The following LRRFIP2 variants were observed in gnomAD, a reference collection of about 807,000 sequenced individuals.
LRRFIP2 encodes leucine-rich repeat flightless-interacting protein 2.
Under a neutral mutation model 125.9 loss-of-function variants are expected in LRRFIP2, and 109 were observed. The observed-to-expected ratio is 0.87, with a 90% CI of 0.74 to 1.01. LRRFIP2 has a LOEUF of 1.01. Among genes scored for constraint, LRRFIP2 ranks in the 50% least tolerant of loss-of-function variants. LRRFIP2 has a pLI of 0.00. For missense variants in LRRFIP2, 850 were observed against 862.3 expected (o/e 0.99, Z 0.18); for synonymous variants, 291 against 293.1 (o/e 0.99, Z 0.07).
chr3:37,128,574 T>A (rs2095346986), intron 3 of LRRFIP2, among the ~76,000 whole-genome samples: 1 of 152,172 alleles, frequency 6.6e-6, no homozygotes, highest in South Asian at 2.1e-4. Flanking sequence ...TTTGATGCTA[T>A]ATATGGATAC....
chr3:37,138,493 T>A (rs2095612842), intron 2 of LRRFIP2, among the ~76,000 whole-genome samples: 1 of 152,230 alleles, frequency 6.6e-6, no homozygotes, highest in South Asian at 2.1e-4. Flanking sequence ...AAGTACTGTA[T>A]CTAATGAACC....
intron 25 of LRRFIP2, among the ~76,000 whole-genome samples, chr3:37,058,308 T>C (rs1331982954): frequency 6.6e-6 from 1 of 152,202 alleles, no homozygotes; most frequent in African/African-American, 2.4e-5. Flanking sequence ...TTCAGCTATA[T>C]TGCTGACTAG....
chr3:37,174,418 C>T (rs549098715), intron 1 of LRRFIP2, 121 bp downstream of exon 1: 2 of 152,148 alleles, frequency 1.3e-5, no homozygotes, highest in Non-Finnish European at 2.9e-5. Flanking sequence ...TAGAACAGAA[C>T]TTAATAACTC....
At chr3:37,175,112 T>C (rs1197592134), upstream of LRRFIP2, 1 of 152,226 alleles carries the variant, frequency 6.6e-6, no homozygotes, top group Non-Finnish European at 1.5e-5. Context: ...TAAAATGTTA[T>C]CTTGAAAAAA....
chr3:37,156,333 A>G (rs1456373116), intron 1 of LRRFIP2, among the ~76,000 whole-genome samples: 2 of 151,844 alleles, frequency 1.3e-5, no homozygotes, highest in African/African-American at 2.4e-5. Flanking sequence ...TTTTTTTTTT[A>G]ATTTTTTATA....
chr3:37,116,459 A>C (rs568560927), intron 6 of LRRFIP2, among the ~76,000 whole-genome samples: 9 of 152,294 alleles, frequency 5.9e-5, no homozygotes, highest in Admixed American at 2.0e-4. Flanking sequence ...TTTAAAAACT[A>C]AACTAGAAGA....
intron 13 of LRRFIP2, among the ~76,000 whole-genome samples, chr3:37,106,646 T>C (rs1376697472): frequency 6.6e-6 from 1 of 151,880 alleles, no homozygotes; most frequent in African/African-American, 2.4e-5. Context: ...CCTCTCTAAA[T>C]AAAAATTAAA....
chr3:37,096,595 C>A, intron 16 of LRRFIP2, 21 bp downstream of exon 16: 2 of 1,477,260 alleles, frequency 1.4e-6, no homozygotes, highest in South Asian at 2.4e-5. Flanking sequence ...GAGAATTTCC[C>A]TTAGGAATTT....
In LRRFIP2 at chr3:37,120,080, A is replaced by G. The variant is rs1237028931; in HGVS notation, c.330+1412T>C. ...ATTTATAAGCTGCCAATTATCTTAG[A>G]TTTCTGTAAAGATCTGTTAATATTC... On this transcript the variant is annotated intron_variant, in intron 6 of 27. Transcript: ENST00000336686. Among the ~76,000 whole-genome samples, 3 of 147,220 alleles carry G rather than the reference A, an allele frequency of 2.0e-5. No homozygotes were observed. In the East Asian group the frequency reaches 5.9e-4, roughly 29 times the overall value.
chr3:37,145,570 T>C (rs2095837976), intron 2 of LRRFIP2, among the ~76,000 whole-genome samples: 1 of 152,214 alleles, frequency 6.6e-6, no homozygotes, highest in South Asian at 2.1e-4. Flanking sequence ...TGGGTGAATG[T>C]TAGCCTTGCT....
Position 37,052,776 on chromosome 3 carries a change from C to T in LRRFIP2, c.*1075G>A, listed in dbSNP as rs2085883783. On this transcript the variant is annotated 3_prime_UTR_variant, in exon 28 of 28. Coordinates refer to ENST00000336686, the MANE Select transcript of LRRFIP2 (RefSeq NM_006309.4). Reference sequence around the variant, plus strand: ...GATACAATAATCATTTCTATAAAACCACCTGGGTACTAAGAGCAAAAGAGA... The same window carrying T: ...GATACAATAATCATTTCTATAAAACTACCTGGGTACTAAGAGCAAAAGAGA... The T allele has an allele frequency of 6.6e-6, 1 of 151,952 alleles. No homozygotes were observed. The highest frequency in any genetic ancestry group is 1.5e-5 in the Non-Finnish European group (1 of 67,994). The allele number at this position is 151,952 out of a possible 1,614,324, so 9.4% of individuals were successfully genotyped here. A position where few individuals can be genotyped will look rare whatever the true frequency, so the allele number is the denominator to read the frequency against.
chr3:37,068,913 T>C (rs1255172504), intron 21 of LRRFIP2: 1 of 152,204 alleles, frequency 6.6e-6, no homozygotes, highest in African/African-American at 2.4e-5. Flanking sequence ...GCAGTGGAGC[T>C]AGAGGCAAGA....
intron 18 of LRRFIP2, 113 bp downstream of exon 18, chr3:37,091,354 G>T: frequency 1.5e-6 from 1 of 686,788 alleles, no homozygotes; most frequent in Non-Finnish European, 2.4e-6. Context: ...ATGCTTGAAA[G>T]ACAAACACTG....
Position 37,141,104 on chromosome 3 carries a change from T to C in LRRFIP2, c.90+7790A>G, listed in dbSNP as rs182721586. Among the ~76,000 whole-genome samples the C allele has an allele frequency of 2.8e-3, 424 of 152,210 alleles. 2 individuals are homozygous for C. Among genetic ancestry groups the C allele is most frequent in the African/African-American group, 9.8e-3 (406 of 41,522 alleles). On this transcript the variant is annotated intron_variant, in intron 2 of 27. Coordinates refer to ENST00000336686, the MANE Select transcript of LRRFIP2 (RefSeq NM_006309.4). ...AAGCAGAGGTTGCAGTGAGCTAAGA[T>C]TGCACCACTGCACTATAGCCTGGGC...
intron 8 of LRRFIP2, 58 bp from the exon 9 acceptor site, chr3:37,111,123 C>G: frequency 7.2e-7 from 1 of 1,397,500 alleles, no homozygotes. Context: ...AACCTAACAA[C>G]ACACAAAGGC....
At chr3:37,168,313 G>A (rs1214608237) in intron 1 of LRRFIP2, among the ~76,000 whole-genome samples, 1 of 152,090 alleles carries the variant, frequency 6.6e-6, no homozygotes, top group African/African-American at 2.4e-5. Context: ...AAACAATATG[G>A]TATAAACATA....
intron 18 of LRRFIP2, among the ~76,000 whole-genome samples, chr3:37,087,495 CA>C (rs2093132835): frequency 6.6e-6 from 1 of 152,118 alleles, no homozygotes. Flanking sequence ...CACTAGACCA[CA>C]AAAGACTGTT....
At chr3:37,138,354 T>C (rs1282295994) in intron 2 of LRRFIP2, among the ~76,000 whole-genome samples, 2 of 152,144 alleles carry the variant, frequency 1.3e-5, no homozygotes, top group East Asian at 3.9e-4. Context: ...TTTCCATCCA[T>C]CCAATGGGTC....
intron 18 of LRRFIP2, among the ~76,000 whole-genome samples, chr3:37,084,575 A>T (rs1421717598): frequency 6.6e-6 from 1 of 152,124 alleles, no homozygotes; most frequent in Non-Finnish European, 1.5e-5. Context: ...GCTAGGTGGG[A>T]GGACCGATTG....
Sources: gnomAD v4.1 joint callset for allele counts (sites outside exome capture counted in the v4.1 genomes callset) on GRCh38, gnomAD v4.1.1 for gene constraint, MANE v1.5 for transcripts, NCBI Gene and HGNC (gene_info 2026-07-23, HGNC 2026-07-21) for gene names.